The following NTRK3 variants were observed in gnomAD, a reference collection of about 807,000 sequenced individuals.
The protein encoded by NTRK3 is neurotrophic receptor tyrosine kinase 3, also known as NT-3 growth factor receptor.
NTRK3 carries 24 observed loss-of-function variants against 91.7 expected under a neutral mutation model. The ratio of observed to expected loss-of-function variants is 0.26; its 90% confidence interval spans 0.19 to 0.37. The LOEUF (loss-of-function observed/expected upper bound fraction) is 0.37, where lower values mean the gene tolerates loss of function less well. NTRK3 is among the 10% of genes least tolerant of loss of function. The pLI, the probability that NTRK3 is intolerant of heterozygous loss-of-function variation, is 1.00. For missense variants in NTRK3, 880 were observed against 1,068.9 expected (o/e 0.82, Z 2.46); for synonymous variants, 483 against 404.0 (o/e 1.20, Z -2.34).
chr15:88,061,533 A>G (rs2142484973), intron 13 of NTRK3, among the ~76,000 whole-genome samples: 1 of 152,372 alleles, frequency 6.6e-6, no homozygotes, highest in Admixed American at 6.5e-5. Context: ...ACAGAGCAGG[A>G]GCAGGAGCAG....
intron 14 of NTRK3, among the ~76,000 whole-genome samples, chr15:87,963,128 A>AGAATCCACTGGATACCTGCTTGGGG (rs530258736): frequency 6.6e-6 from 1 of 152,176 alleles, no homozygotes; most frequent in Non-Finnish European, 1.5e-5. Context: ...GTCCCTCAGG[A>AGAATCCACTGGATACCTGCTTGGGG]GAATCCACTG....
intron 5 of NTRK3, among the ~76,000 whole-genome samples, chr15:88,170,264 G>C (rs1175137444): frequency 6.6e-6 from 1 of 152,214 alleles, no homozygotes; most frequent in Admixed American, 6.5e-5. Flanking sequence ...TTCAGGCAAT[G>C]AGGTTGACAT....
chr15:88,188,226 G>A (rs1175488202), intron 3 of NTRK3, among the ~76,000 whole-genome samples: 1 of 152,198 alleles, frequency 6.6e-6, no homozygotes, highest in Admixed American at 6.5e-5. Context: ...AGTGGAGGGA[G>A]GAGAAAGAGG....
intron 14 of NTRK3, among the ~76,000 whole-genome samples, chr15:87,973,479 C>T (rs923983065): frequency 7.2e-5 from 11 of 152,178 alleles, no homozygotes; most frequent in African/African-American, 2.7e-4. Flanking sequence ...TTATTTAGCT[C>T]TGGAAATATA....
chr15:88,066,846 G>A (rs1474383541), intron 13 of NTRK3, among the ~76,000 whole-genome samples: 1 of 152,156 alleles, frequency 6.6e-6, no homozygotes, highest in Non-Finnish European at 1.5e-5. Flanking sequence ...TGTACAGGCA[G>A]CCTGCCAAAA....
At chr15:87,900,730 T>TGC (rs1555432709) in intron 17 of NTRK3, among the ~76,000 whole-genome samples, 1 of 150,768 alleles carries the variant, frequency 6.6e-6, no homozygotes, top group African/African-American at 2.4e-5. Context: ...TGTGTGTGTG[T>TGC]GCTGTAGGCA....
At chr15:87,880,207 C>A (rs2065166995) in intron 18 of NTRK3, 63 bp downstream of exon 19, 1 of 1,606,628 alleles carries the variant, frequency 6.2e-7, no homozygotes, top group South Asian at 1.1e-5. Context: ...GGTCCAAGTT[C>A]TGGGCTGAGA....
chr15:88,238,258 C>G (rs2051991925), intron 3 of NTRK3, among the ~76,000 whole-genome samples: 1 of 152,054 alleles, frequency 6.6e-6, no homozygotes, highest in East Asian at 1.9e-4. Context: ...CAGCCCCAGC[C>G]AAGAAATATG....
intron 13 of NTRK3, among the ~76,000 whole-genome samples, chr15:88,077,797 G>A (rs2047682950): frequency 6.6e-6 from 1 of 152,152 alleles, no homozygotes; most frequent in Non-Finnish European, 1.5e-5. Context: ...TGAGCCTCTA[G>A]GCAAGGAACT....
exon 19 of NTRK3, chr15:87,874,584 C>A (rs1308363464): frequency 5.6e-5 from 13 of 232,914 alleles, no homozygotes; most frequent in Non-Finnish European, 8.5e-5. Flanking sequence ...AAACACACAG[C>A]CAAGAAGACA....
chr15:88,095,420 G>A (rs1224706294), intron 13 of NTRK3, among the ~76,000 whole-genome samples: 2 of 152,152 alleles, frequency 1.3e-5, no homozygotes, highest in Non-Finnish European at 2.9e-5. Context: ...GCGATGAGTG[G>A]TCTCCATTGA....
At chr15:88,100,483 A>C (rs1342462951) in intron 13 of NTRK3, among the ~76,000 whole-genome samples, 1 of 152,226 alleles carries the variant, frequency 6.6e-6, no homozygotes, top group South Asian at 2.1e-4. Context: ...AGAGTTTACC[A>C]TTCCATCTTC....
intron 14 of NTRK3, among the ~76,000 whole-genome samples, chr15:87,995,903 C>T (rs1016898473): frequency 6.6e-6 from 1 of 152,178 alleles, no homozygotes; most frequent in South Asian, 2.1e-4. Flanking sequence ...ATAATTTTCA[C>T]GTGTTACAAA....
chr15:87,969,203 A>G (rs1248161558), intron 14 of NTRK3, among the ~76,000 whole-genome samples: 1 of 152,100 alleles, frequency 6.6e-6, no homozygotes, highest in Non-Finnish European at 1.5e-5. Context: ...CCAAACGGAG[A>G]TGCTTCCCAC....
chr15:87,872,503 T>G (rs1004562556), exon 19 of NTRK3: 3 of 228,288 alleles, frequency 1.3e-5, no homozygotes, highest in Non-Finnish European at 2.6e-5. Flanking sequence ...GCATGAGAGA[T>G]GGGCAGGCCT....
chr15:87,981,489 C>A, intron 14 of NTRK3: 2 of 1,260,670 alleles, frequency 1.6e-6, no homozygotes, highest in East Asian at 2.3e-5. Context: ...AGCTCCTGTA[C>A]CCACTCTGCT....
At chr15:88,126,202 A>G (rs2053267166) in intron 13 of NTRK3, 69 bp downstream of exon 13, 2 of 1,180,682 alleles carry the variant, frequency 1.7e-6, no homozygotes, top group Non-Finnish European at 2.5e-6. Context: ...AGATTAAAAC[A>G]GTATCTTTTG....
At chr15:88,014,092 T>C (rs912638500) in intron 14 of NTRK3, among the ~76,000 whole-genome samples, 2 of 152,212 alleles carry the variant, frequency 1.3e-5, no homozygotes, top group African/African-American at 4.8e-5. Context: ...TTAGAATTTG[T>C]AAAAGTGTTG....
At chr15:88,076,951 C>T (rs1019905209) in intron 13 of NTRK3, among the ~76,000 whole-genome samples, 2 of 151,910 alleles carry the variant, frequency 1.3e-5, no homozygotes, top group East Asian at 1.9e-4. Flanking sequence ...AAAAATTAGC[C>T]GGGTGCAGTG....
Sources: gnomAD v4.1 joint callset for allele counts (sites outside exome capture counted in the v4.1 genomes callset) on GRCh38, gnomAD v4.1.1 for gene constraint, MANE v1.5 for transcripts, NCBI Gene and HGNC (gene_info 2026-07-23, HGNC 2026-07-21) for gene names.